SUMF1: variants seen among roughly 807,000 people sequenced by gnomAD.
The protein encoded by SUMF1 is formylglycine-generating enzyme.
Under a neutral mutation model 47.6 loss-of-function variants are expected in SUMF1, and 48 were observed. The observed-to-expected ratio is 1.01, with a 90% confidence interval of 0.80 to 1.28. The LOEUF (loss-of-function observed/expected upper bound fraction) is 1.28. SUMF1 is among the 50% of genes most tolerant of loss of function. The pLI is 0.00. For synonymous variants in SUMF1, 230 were observed against 192.1 expected (o/e 1.20, Z -1.63); for missense variants, 571 against 485.4 (o/e 1.18, Z -1.66).
Position 4,203,448 on chromosome 3 carries a change from T to C in SUMF1, c.1015-134703A>G, listed in dbSNP as rs542522595. Among the ~76,000 whole-genome samples the C allele has an allele frequency of 9.1e-4, 138 of 152,166 alleles. 1 individual carries two copies. The highest frequency in any genetic ancestry group is 6.1e-3 in the Admixed American group (93 of 15,266). On this transcript the variant is annotated intron_variant and NMD_transcript_variant, in intron 8 of 12. Coordinates refer to the SUMF1 transcript ENST00000448413. ...CATTTGCATGGAACATACTTTTCCA[T>C]CCCTTTATTTTCAGCCTTTGTGTGT...
chr3:4,137,914 T>C (rs981151453), intron 8 of SUMF1, among the ~76,000 whole-genome samples: 1 of 142,020 alleles, frequency 7.0e-6, no homozygotes, highest in Non-Finnish European at 1.5e-5. Context: ...ACACTAATAA[T>C]ACACACACAC....
At chr3:4,345,114 G>A (rs1489213773) in intron 8 of SUMF1, among the ~76,000 whole-genome samples, 2 of 152,192 alleles carry the variant, frequency 1.3e-5, no homozygotes, top group South Asian at 2.1e-4. Context: ...ACACACTTCA[G>A]GGTATTATCC....
chr3:4,293,167 A>G lies in SUMF1; in HGVS notation c.1014+83163T>C, dbSNP rs115946417. Among the ~76,000 whole-genome samples the G allele has an allele frequency of 3.6e-3, 548 of 152,298 alleles. 2 individuals are homozygous for G. Among genetic ancestry groups the G allele is most frequent in the African/African-American group, 0.013 (521 of 41,550 alleles). On this transcript the variant is annotated intron_variant and NMD_transcript_variant, in intron 8 of 12. Transcript: ENST00000448413. Reference sequence around the variant, plus strand: ...AAGGAATTCAGAGCTGCCTGTTATGACCAATCATTCATCAACCACATAGTG... The same window carrying G: ...AAGGAATTCAGAGCTGCCTGTTATGGCCAATCATTCATCAACCACATAGTG...
intron 6 of SUMF1, among the ~76,000 whole-genome samples, chr3:4,413,133 T>G (rs544644817): frequency 6.6e-6 from 1 of 152,018 alleles, no homozygotes; most frequent in East Asian, 2.0e-4. Flanking sequence ...GCCTCCCGAG[T>G]AGCTGGGACC....
At chr3:4,393,347 T>G (rs1700937503) in intron 7 of SUMF1, among the ~76,000 whole-genome samples, 1 of 152,096 alleles carries the variant, frequency 6.6e-6, no homozygotes, top group Non-Finnish European at 1.5e-5. Context: ...TTATTTTAGT[T>G]TTAGAGACAG....
intron 8 of SUMF1, among the ~76,000 whole-genome samples, chr3:4,338,323 C>G (rs147217384): frequency 1.3e-5 from 2 of 151,962 alleles, no homozygotes. Context: ...TATTTACTAT[C>G]GTCATCCATT....
chr3:4,348,522 T>A (rs968905308), intron 8 of SUMF1, among the ~76,000 whole-genome samples: 2 of 152,096 alleles, frequency 1.3e-5, no homozygotes, highest in Non-Finnish European at 1.5e-5. Flanking sequence ...TGTACAAACA[T>A]TAACTCAAGA....
intron 8 of SUMF1, among the ~76,000 whole-genome samples, chr3:4,239,429 T>G (rs1436608370): frequency 6.6e-6 from 1 of 152,170 alleles, no homozygotes; most frequent in East Asian, 1.9e-4. Context: ...TCCCATTTGT[T>G]TGTGTTCTCT....
intron 8 of SUMF1, among the ~76,000 whole-genome samples, chr3:4,077,818 G>A (rs768214492): frequency 4.0e-5 from 6 of 151,826 alleles, no homozygotes; most frequent in Admixed American, 2.0e-4. Context: ...AAAAAAACTG[G>A]CATTAAACTA....
rs112018120 is a variant in SUMF1, at chr3:4,133,780, C to A, written c.1015-65035G>T. On this transcript the variant is annotated intron_variant and NMD_transcript_variant, in intron 8 of 12. Coordinates refer to the SUMF1 transcript ENST00000448413. ...ATTGTAGGACCTTCTGATCATGTGA[C>A]TTAATACTTAATAAACTCCCCTTTA... Among the ~76,000 whole-genome samples the A allele has an allele frequency of 6.4e-3, 980 of 152,086 alleles. 20 individuals are homozygous for A. The highest frequency in any genetic ancestry group is 0.023 in the African/African-American group (942 of 41,458).
chr3:4,377,493 G>A, intron 7 of SUMF1, among the ~76,000 whole-genome samples: 1 of 152,168 alleles, frequency 6.6e-6, no homozygotes, highest in East Asian at 1.9e-4. Flanking sequence ...TCCATGCTCT[G>A]AGGCACTCCA....
intron 8 of SUMF1, among the ~76,000 whole-genome samples, chr3:4,100,064 CTTCCAATCCTTGG>C (rs1311395186): frequency 1.3e-5 from 2 of 150,360 alleles, no homozygotes; most frequent in African/African-American, 2.4e-5. Flanking sequence ...AATATGAATT[CTTCCAATCCTTGG>C]ATTGGAAGAA....
intron 9 of SUMF1, among the ~76,000 whole-genome samples, chr3:4,058,390 A>G (rs1459213903): frequency 6.6e-6 from 1 of 152,156 alleles, no homozygotes; most frequent in Non-Finnish European, 1.5e-5. Context: ...CGAATGCAGT[A>G]ATATTCAGGG....
intron 8 of SUMF1, among the ~76,000 whole-genome samples, chr3:4,278,838 A>G (rs1008777612): frequency 1.3e-5 from 2 of 152,116 alleles, no homozygotes; most frequent in African/African-American, 4.8e-5. Flanking sequence ...TGGAACAATA[A>G]AAACTTCTAA....
intron 8 of SUMF1, among the ~76,000 whole-genome samples, chr3:4,367,890 A>C (rs1335572857): frequency 2.6e-5 from 4 of 151,956 alleles, no homozygotes; most frequent in African/African-American, 9.7e-5. Context: ...ACTCTAGAAG[A>C]AAACCTAGGC....
intron 7 of SUMF1, among the ~76,000 whole-genome samples, chr3:4,377,712 A>C (rs1700372712): frequency 6.6e-6 from 1 of 152,342 alleles, no homozygotes; most frequent in Middle Eastern, 3.4e-3. Flanking sequence ...AAGCCTCAAC[A>C]TCAGGTAAGG....
intron 3 of SUMF1, among the ~76,000 whole-genome samples, chr3:4,438,024 G>C (rs1037152818): frequency 6.6e-6 from 1 of 151,860 alleles, no homozygotes; most frequent in African/African-American, 2.4e-5. Context: ...AAGAAAGCTT[G>C]TACACCTATA....
At chr3:4,366,223 T>C (rs1326007071) in intron 8 of SUMF1, among the ~76,000 whole-genome samples, 2 of 152,026 alleles carry the variant, frequency 1.3e-5, no homozygotes, top group Admixed American at 6.6e-5. Flanking sequence ...AGGAGTATCT[T>C]TGTGGTGTTC....
rs76216265 is a variant in SUMF1, at chr3:4,464,507, C to T, written c.270+2469G>A. ...TGGGTCTTTTTCTGTATGCCCAGCA[C>T]ATAGGATGAATCTTACATAACAAGT... On this transcript the variant is annotated intron_variant, in intron 1 of 8. Transcript: ENST00000272902. 2.8e-3 allele frequency among the ~76,000 whole-genome samples: 426 copies of T among 152,150 alleles called. 6 individuals are homozygous for T. The South Asian group carries it at 0.054, about 19-fold the overall frequency.
Sources: allele counts gnomAD v4.1 joint callset (sites outside exome capture counted in the v4.1 genomes callset), GRCh38; gene constraint gnomAD v4.1.1; transcripts MANE v1.5; gene names NCBI Gene and HGNC (gene_info 2026-07-23, HGNC 2026-07-21).